Variants in SLC37A3 observed in about 807,000 individuals in gnomAD.
SLC37A3 encodes solute carrier family 37 member 3.
A neutral mutation model predicts 67.1 loss-of-function variants in SLC37A3; 51 were observed. The ratio of observed to expected loss-of-function variants is 0.76; its 90% CI spans 0.61 to 0.96. The LOEUF is 0.96. Among genes scored for constraint, SLC37A3 ranks in the 40% least tolerant of loss-of-function variants. The probability of loss-of-function intolerance (pLI) is 0.00; values close to 1 mark genes in which losing one functional copy is unlikely to be tolerated. For synonymous variants in SLC37A3, 214 were observed against 231.4 expected, an observed-to-expected ratio of 0.92 and a Z score of 0.68; for missense variants, 508 against 603.0, an observed-to-expected ratio of 0.84 and a Z score of 1.65.
intron 13 of SLC37A3, 123 bp from the exon 14 acceptor site, chr7:140,337,472 G>T: frequency 1.2e-6 from 1 of 802,948 alleles, no homozygotes; most frequent in Non-Finnish European, 1.9e-6. Flanking sequence ...TGTATGTTTT[G>T]CAGTTTACAA....
At chr7:140,346,962 A>G (rs892695709) in intron 10 of SLC37A3, among the ~76,000 whole-genome samples, 1 of 152,082 alleles carries the variant, frequency 6.6e-6, no homozygotes, top group African/African-American at 2.4e-5. Context: ...TGTGCCTTAC[A>G]GTATATTGAG....
At chr7:140,381,654 G>T (rs558776588) in intron 2 of SLC37A3, among the ~76,000 whole-genome samples, 1 of 152,170 alleles carries the variant, frequency 6.6e-6, no homozygotes, top group South Asian at 2.1e-4. Flanking sequence ...ACACCCAATG[G>T]CCTGATGTAT....
chr7:140,359,947 T>C (rs895567826), intron 5 of SLC37A3, among the ~76,000 whole-genome samples: 3 of 152,176 alleles, frequency 2.0e-5, no homozygotes, highest in African/African-American at 7.2e-5. Context: ...TAAAATAATA[T>C]GTTTATTATG....
At chr7:140,368,428 G>A (rs778563688) in intron 4 of SLC37A3, among the ~76,000 whole-genome samples, 5 of 152,080 alleles carry the variant, frequency 3.3e-5, no homozygotes, top group African/African-American at 1.2e-4. Context: ...TTAGCCGGGC[G>A]TGGTGGCGCA....
chr7:140,374,906 G>A (rs1035623021), intron 3 of SLC37A3, among the ~76,000 whole-genome samples: 1 of 152,002 alleles, frequency 6.6e-6, no homozygotes, highest in African/African-American at 2.4e-5. Flanking sequence ...CCAACACTTT[G>A]GGAGGCCGAG....
intron 1 of SLC37A3, among the ~76,000 whole-genome samples, chr7:140,390,697 A>G (rs1305979418): frequency 6.6e-6 from 1 of 151,846 alleles, no homozygotes; most frequent in Non-Finnish European, 1.5e-5. Context: ...GGTTCTCTTC[A>G]CCACCACCCT....
Position 140,369,602 on chromosome 7 carries a change from G to A in SLC37A3, c.279C>T (p.Phe93=). 6.2e-7 allele frequency: 1 copy of A among 1,613,924 alleles called. No individual in the cohort carries two copies. The highest frequency in any genetic ancestry group is 2.2e-5 in the East Asian group (1 of 44,872). Residue 93 remains phenylalanine (F), a synonymous_variant, in exon 4 of 15, where the codon TTC becomes TTT. Transcript: ENST00000326232. ...FLGTLDTIFL[F]SYAVGLFISG... ...TTCCAAAACTTACCACAGCATAGGAGAAGAGGAAAATGGTATCCAGTGTGC... is the reference window on the plus strand; with the variant it reads ...TTCCAAAACTTACCACAGCATAGGAAAAGAGGAAAATGGTATCCAGTGTGC...
intron 14 of SLC37A3, 46 bp downstream of exon 14, chr7:140,337,223 GTGCTTTGAACTTAAT>G: frequency 7.3e-7 from 1 of 1,360,814 alleles, no homozygotes; most frequent in Non-Finnish European, 9.8e-7. Flanking sequence ...ACTTAAGTAA[GTGCTTTGAACTTAAT>G]TAACAGAAAA....
chr7:140,359,160 G>A (rs914820707), intron 5 of SLC37A3, among the ~76,000 whole-genome samples: 2 of 151,594 alleles, frequency 1.3e-5, no homozygotes, highest in African/African-American at 2.4e-5. Context: ...TGGCTAACAC[G>A]GTGAAACCCC....
At chr7:140,335,580 T>C in intron 14 of SLC37A3, 76 bp from the exon 15 acceptor site, 1 of 1,514,210 alleles carries the variant, frequency 6.6e-7, no homozygotes. Flanking sequence ...AACATAATAA[T>C]GGATTTGGAC....
chr7:140,346,028 G>T (rs1796544663), intron 10 of SLC37A3, 58 bp from the exon 11 acceptor site: 11 of 1,271,578 alleles, frequency 8.7e-6, no homozygotes, highest in Admixed American at 1.7e-5. Context: ...CTCACCTGAG[G>T]CGTGCTCCCC....
chr7:140,353,479 A>G (rs78389946), intron 7 of SLC37A3, among the ~76,000 whole-genome samples: 5 of 144,366 alleles, frequency 3.5e-5, no homozygotes, highest in Non-Finnish European at 6.1e-5. Context: ...TCTGTCTTGG[A>G]AAAAAAAAAA....
chr7:140,361,406 T>C (rs1797268272), intron 5 of SLC37A3, among the ~76,000 whole-genome samples: 2 of 151,476 alleles, frequency 1.3e-5, no homozygotes, highest in Non-Finnish European at 1.5e-5. Context: ...CGCTTGAACC[T>C]GGGAGGTGGA....
chr7:140,339,712 T>A (rs996264632), intron 13 of SLC37A3, among the ~76,000 whole-genome samples: 2 of 151,616 alleles, frequency 1.3e-5, no homozygotes, highest in East Asian at 1.9e-4. Context: ...TTTCTGCACA[T>A]CCTTGCCAGC....
chr7:140,393,896 C>A (rs1373568630), intron 1 of SLC37A3, among the ~76,000 whole-genome samples: 1 of 152,096 alleles, frequency 6.6e-6, no homozygotes, highest in Non-Finnish European at 1.5e-5. Flanking sequence ...TTGGGCCGGG[C>A]GCGATGGCTC....
At chr7:140,345,149 C>G in intron 12 of SLC37A3, 67 bp downstream of exon 12, 2 of 1,418,268 alleles carry the variant, frequency 1.4e-6, no homozygotes, top group Non-Finnish European at 9.9e-7. Flanking sequence ...AGGGAGAAAA[C>G]AGTTTCCCTT....
At chr7:140,372,650 G>C (rs965568624) in intron 3 of SLC37A3, among the ~76,000 whole-genome samples, 1 of 152,104 alleles carries the variant, frequency 6.6e-6, no homozygotes, top group African/African-American at 2.4e-5. Flanking sequence ...ATCACTTGAA[G>C]TCAAAAGTTC....
chr7:140,361,497 C>A (rs1797275222), intron 5 of SLC37A3, among the ~76,000 whole-genome samples: 1 of 51,374 alleles, frequency 1.9e-5, no homozygotes, highest in Non-Finnish European at 3.9e-5. Context: ...GCCTCTCCCT[C>A]CCCCTCCCCC....
intron 5 of SLC37A3, among the ~76,000 whole-genome samples, chr7:140,362,511 C>A (rs533706795): frequency 6.9e-6 from 1 of 144,308 alleles, no homozygotes; most frequent in South Asian, 2.3e-4. Context: ...AAGTGAGGAC[C>A]CCTCTGCCCG....
Sources: allele counts gnomAD v4.1 joint callset (sites outside exome capture counted in the v4.1 genomes callset), GRCh38; gene constraint gnomAD v4.1.1; transcripts MANE v1.5; gene names NCBI Gene and HGNC (gene_info 2026-07-23, HGNC 2026-07-21).